SORCS1: variants seen among roughly 807,000 people sequenced by gnomAD.
SORCS1 encodes the protein sortilin related VPS10 domain containing receptor 1, also known as VPS10 domain-containing receptor SorCS1.
In SORCS1, 60 loss-of-function variants were observed where a neutral mutation model predicts 146.1. The observed-to-expected ratio is 0.41, with a 90% CI of 0.33 to 0.51. SORCS1 has a LOEUF of 0.51. Among genes scored for constraint, SORCS1 ranks in the 20% least tolerant of loss-of-function variants. SORCS1 has a pLI of 0.21. For synonymous variants in SORCS1, 637 were observed against 584.0 expected (o/e 1.09, Z -1.31); for missense variants, 1,352 against 1,487.6 (o/e 0.91, Z 1.50).
At chr10:106,929,739 A>C (rs1953290296) in intron 2 of SORCS1, among the ~76,000 whole-genome samples, 1 of 151,266 alleles carries the variant, frequency 6.6e-6, no homozygotes, top group African/African-American at 2.4e-5. Context: ...ACAAATGACC[A>C]CACACAATTG....
At chr10:106,727,958 G>C (rs769878125) in intron 6 of SORCS1, among the ~76,000 whole-genome samples, 5 of 152,202 alleles carry the variant, frequency 3.3e-5, no homozygotes, top group Non-Finnish European at 5.9e-5. Context: ...GAGGGAATGG[G>C]CAGACACAAG....
chr10:106,723,431 C>T lies in SORCS1; in HGVS notation c.1024+6619G>A, dbSNP rs139966697. On this transcript the variant is annotated intron_variant, in intron 6 of 25. Transcript: ENST00000263054. Reference sequence around the variant, plus strand: ...CACACACACACACAGAATATTTAAACAATAAAAGATCTGCTTCATGGATGA... The same window carrying T: ...CACACACACACACAGAATATTTAAATAATAAAAGATCTGCTTCATGGATGA... Among the ~76,000 whole-genome samples, 498 of 150,204 alleles carry T rather than the reference C, an allele frequency of 3.3e-3. 6 individuals are homozygous for T. Among genetic ancestry groups the T allele is most frequent in the African/African-American group, 0.011 (470 of 40,954 alleles).
At chr10:107,148,989 C>T (rs1232704037) in intron 1 of SORCS1, among the ~76,000 whole-genome samples, 2 of 152,188 alleles carry the variant, frequency 1.3e-5, no homozygotes, top group African/African-American at 4.8e-5. Flanking sequence ...TCTAAAGTCA[C>T]AACACCCTAA....
intron 2 of SORCS1, among the ~76,000 whole-genome samples, chr10:106,896,886 A>G (rs1403958555): frequency 6.9e-6 from 1 of 144,352 alleles, no homozygotes; most frequent in East Asian, 2.0e-4. Flanking sequence ...TGCACCAAAT[A>G]CTGTTTTTTT....
chr10:107,017,236 G>A (rs1957935250), intron 1 of SORCS1, among the ~76,000 whole-genome samples: 1 of 152,072 alleles, frequency 6.6e-6, no homozygotes, highest in East Asian at 1.9e-4. Context: ...ACTAAAAACT[G>A]GAAACAATTC....
chr10:106,724,028 G>C (rs1564899230), intron 6 of SORCS1, among the ~76,000 whole-genome samples: 1 of 152,044 alleles, frequency 6.6e-6, no homozygotes, highest in Admixed American at 6.6e-5. Context: ...TGGCAGGTCT[G>C]ATAACTACTA....
At chr10:106,716,292 C>T (rs902451735) in intron 6 of SORCS1, among the ~76,000 whole-genome samples, 4 of 152,164 alleles carry the variant, frequency 2.6e-5, no homozygotes, top group Admixed American at 2.0e-4. Context: ...CCTGTTGGAG[C>T]TATCTTCTAG....
At chr10:107,053,754 C>T (rs1960348248) in intron 1 of SORCS1, among the ~76,000 whole-genome samples, 1 of 152,154 alleles carries the variant, frequency 6.6e-6, no homozygotes, top group Admixed American at 6.5e-5. Context: ...GCCCTGGTGT[C>T]TTGTGAAGAT....
chr10:106,578,537 T>C (rs1489387961), intron 25 of SORCS1: 4 of 439,380 alleles, frequency 9.1e-6, no homozygotes, highest in African/African-American at 8.6e-5. Context: ...CCAAATCTCC[T>C]GAGGGAAAGT....
chr10:107,154,376 TG>T (rs1969105610), intron 1 of SORCS1, among the ~76,000 whole-genome samples: 1 of 152,240 alleles, frequency 6.6e-6, no homozygotes, highest in African/African-American at 2.4e-5. Flanking sequence ...AATGGGTTTA[TG>T]TTTGTACTAT....
chr10:106,791,294 T>G (rs1027281427), intron 3 of SORCS1, among the ~76,000 whole-genome samples: 1 of 152,252 alleles, frequency 6.6e-6, no homozygotes, highest in African/African-American at 2.4e-5. Flanking sequence ...ATCTCTTATT[T>G]ACCAGGTTTC....
At chr10:106,892,274 A>C (rs1337207311) in intron 2 of SORCS1, among the ~76,000 whole-genome samples, 2 of 152,224 alleles carry the variant, frequency 1.3e-5, no homozygotes, top group African/African-American at 4.8e-5. Context: ...TTGCAACTGC[A>C]ATCCACTTGT....
intron 1 of SORCS1, among the ~76,000 whole-genome samples, chr10:106,983,317 C>T (rs1391330050): frequency 1.3e-5 from 2 of 149,862 alleles, no homozygotes; most frequent in African/African-American, 4.9e-5. Context: ...AGGGAAGCAA[C>T]ATATTAATGG....
intron 1 of SORCS1, among the ~76,000 whole-genome samples, chr10:106,965,185 T>C (rs763762897): frequency 7.9e-5 from 12 of 152,030 alleles, no homozygotes; most frequent in Non-Finnish European, 1.2e-4. Flanking sequence ...TTTCATCACC[T>C]GAAGATGTGG....
intron 4 of SORCS1, among the ~76,000 whole-genome samples, chr10:106,773,508 T>A (rs1156959071): frequency 6.6e-6 from 1 of 152,094 alleles, no homozygotes; most frequent in East Asian, 1.9e-4. Flanking sequence ...GATACGGAGG[T>A]CTTCTCTGAT....
At chr10:107,137,859 T>C (rs1967458629) in intron 1 of SORCS1, among the ~76,000 whole-genome samples, 1 of 137,412 alleles carries the variant, frequency 7.3e-6, no homozygotes. Context: ...CGAAACTCCG[T>C]CTCAAAAAAA....
chr10:106,582,942 AGTT>A (rs1415069585), intron 24 of SORCS1, among the ~76,000 whole-genome samples: 3 of 152,220 alleles, frequency 2.0e-5, no homozygotes, highest in African/African-American at 7.2e-5. Context: ...AAATGGTTAT[AGTT>A]GTATGTATGA....
chr10:107,097,110 A>C (rs1284106093), intron 1 of SORCS1, among the ~76,000 whole-genome samples: 2 of 152,216 alleles, frequency 1.3e-5, no homozygotes, highest in African/African-American at 4.8e-5. Flanking sequence ...TGATGAATGC[A>C]AGGTTCTGGG....
intron 9 of SORCS1, among the ~76,000 whole-genome samples, chr10:106,690,213 T>G (rs1209464450): frequency 1.3e-5 from 2 of 152,246 alleles, no homozygotes; most frequent in Non-Finnish European, 2.9e-5. Flanking sequence ...GTTTTGTATA[T>G]GTTCAAGAAG....
Sources: gnomAD v4.1 joint callset for allele counts (sites outside exome capture counted in the v4.1 genomes callset) on GRCh38, gnomAD v4.1.1 for gene constraint, MANE v1.5 for transcripts, NCBI Gene and HGNC (gene_info 2026-07-23, HGNC 2026-07-21) for gene names.